Variants in GRAMD1B observed in about 807,000 individuals in gnomAD.
GRAMD1B encodes the protein protein Aster-B.
A neutral mutation model predicts 99.7 loss-of-function variants in GRAMD1B; 37 were observed. That is an observed-to-expected ratio of 0.37 (90% CI 0.29 to 0.49). The LOEUF (loss-of-function observed/expected upper bound fraction) is 0.49, where lower values mean the gene tolerates loss of function less well. Among genes scored for constraint, GRAMD1B ranks in the 20% least tolerant of loss-of-function variants. The pLI, the probability that GRAMD1B is intolerant of heterozygous loss-of-function variation, is 0.98. For synonymous variants in GRAMD1B, 427 were observed against 387.6 expected (o/e 1.10, Z -1.19); for missense variants, 888 against 1,009.2 (o/e 0.88, Z 1.63).
intron 1 of GRAMD1B, among the ~76,000 whole-genome samples, chr11:123,415,640 A>C (rs551479848): frequency 2.0e-4 from 30 of 151,572 alleles, no homozygotes; most frequent in African/African-American, 6.3e-4. Context: ...AGGGTAAATA[A>C]ATGTCGTTAG....
rs373600965 is a variant in GRAMD1B, at chr11:123,410,005, G to A, written c.-176+51206G>A. ...TTATGGAGTCACAAGATCAGATTTT[G>A]GAAATGTGTTCTCCATCTCTGCCTT... On this transcript the variant is annotated intron_variant, in intron 1 of 20. Transcript: ENST00000638157. 2.1e-4 allele frequency among the ~76,000 whole-genome samples: 32 copies of A among 152,220 alleles called. No individual in the cohort carries two copies. In the South Asian group the frequency reaches 6.4e-3, roughly 31 times the overall value.
intron 1 of GRAMD1B, among the ~76,000 whole-genome samples, chr11:123,395,191 T>C (rs1297580847): frequency 1.3e-5 from 2 of 152,174 alleles, no homozygotes; most frequent in African/African-American, 2.4e-5. Flanking sequence ...TCTAGTTTAA[T>C]GAAATAAAAC....
intron 1 of GRAMD1B, among the ~76,000 whole-genome samples, chr11:123,425,254 G>A (rs1243675793): frequency 6.6e-6 from 1 of 152,170 alleles, no homozygotes; most frequent in Non-Finnish European, 1.5e-5. Flanking sequence ...AGTATAAGCT[G>A]ATGATATTTT....
chr11:123,401,399 T>C (rs1266723002), intron 1 of GRAMD1B, among the ~76,000 whole-genome samples: 1 of 152,224 alleles, frequency 6.6e-6, no homozygotes, highest in Non-Finnish European at 1.5e-5. Flanking sequence ...CCACAGTCAC[T>C]CAGTAGGCAG....
chr11:123,367,635 C>G (rs1411352483), intron 1 of GRAMD1B, among the ~76,000 whole-genome samples: 1 of 151,992 alleles, frequency 6.6e-6, no homozygotes, highest in Non-Finnish European at 1.5e-5. Flanking sequence ...GAGTTGGAGC[C>G]TGCTTGTGAA....
At chr11:123,571,615 A>AC (rs1395341918) in intron 2 of GRAMD1B, among the ~76,000 whole-genome samples, 1 of 151,732 alleles carries the variant, frequency 6.6e-6, no homozygotes, top group East Asian at 1.9e-4. Flanking sequence ...TGAATGAATG[A>AC]CCTCCGGGTC....
chr11:123,616,808 A>G (rs1354163992), intron 17 of GRAMD1B, among the ~76,000 whole-genome samples: 1 of 152,238 alleles, frequency 6.6e-6, no homozygotes, highest in African/African-American at 2.4e-5. Flanking sequence ...CTTAGCACAG[A>G]GAGGATTGCA....
At chr11:123,614,350 C>T (rs1230100075) in intron 16 of GRAMD1B, among the ~76,000 whole-genome samples, 3 of 152,190 alleles carry the variant, frequency 2.0e-5, no homozygotes, top group Non-Finnish European at 2.9e-5. Flanking sequence ...TTTGAGTAAA[C>T]TGACTCTCAG....
At chr11:123,612,681 T>G (rs1307387388) in intron 14 of GRAMD1B, 80 bp from the exon 15 acceptor site, 2 of 789,310 alleles carry the variant, frequency 2.5e-6, no homozygotes, top group Non-Finnish European at 4.4e-6. Flanking sequence ...GGATCTGGCC[T>G]TAACTCCGAA....
chr11:123,462,902 A>T (rs200907793), intron 1 of GRAMD1B, among the ~76,000 whole-genome samples: 24,712 of 147,620 alleles, frequency 0.17, 2,624 homozygotes, highest in East Asian at 0.4. Context: ...AAAAAAAAAA[A>T]AAAAAAAAAA....
chr11:123,399,103 G>A (rs1302465751), intron 1 of GRAMD1B, among the ~76,000 whole-genome samples: 1 of 152,090 alleles, frequency 6.6e-6, no homozygotes, highest in African/African-American at 2.4e-5. Context: ...CTCTCTCCCA[G>A]TCTCTGGCAA....
chr11:123,409,617 G>A (rs1245505848), intron 1 of GRAMD1B, among the ~76,000 whole-genome samples: 22 of 152,250 alleles, frequency 1.4e-4, no homozygotes, highest in Admixed American at 1.0e-3. Context: ...AGTCCCCTGG[G>A]TGCTCGTTAC....
At chr11:123,566,440 TG>T (rs1947374012) in intron 2 of GRAMD1B, among the ~76,000 whole-genome samples, 1 of 152,044 alleles carries the variant, frequency 6.6e-6, no homozygotes, top group Admixed American at 6.5e-5. Flanking sequence ...TCTATCAGAG[TG>T]GCTGGACGAT....
intron 1 of GRAMD1B, among the ~76,000 whole-genome samples, chr11:123,472,187 C>T (rs1194276633): frequency 6.6e-6 from 1 of 150,526 alleles, no homozygotes; most frequent in Non-Finnish European, 1.5e-5. Flanking sequence ...AAGATCATGC[C>T]ACTGCACTCC....
At chr11:123,586,849 C>T (rs1645769449) in intron 4 of GRAMD1B, among the ~76,000 whole-genome samples, 1 of 152,258 alleles carries the variant, frequency 6.6e-6, no homozygotes, top group African/African-American at 2.4e-5. Context: ...TAACCTCTCT[C>T]CGGATCCCAG....
At chr11:123,598,670 G>T (rs527471252) in intron 7 of GRAMD1B, 1 of 1,168,516 alleles carries the variant, frequency 8.6e-7, no homozygotes, top group Non-Finnish European at 1.3e-6. Flanking sequence ...ATTTCAATCT[G>T]TCCAAACCCA....
chr11:123,517,227 C>T (rs1161759139), intron 2 of GRAMD1B, among the ~76,000 whole-genome samples: 2 of 152,146 alleles, frequency 1.3e-5, no homozygotes, highest in Admixed American at 6.5e-5. Context: ...GCCATATGTA[C>T]AGTTCTTGTT....
chr11:123,382,298 C>T (rs1413966906), intron 1 of GRAMD1B, among the ~76,000 whole-genome samples: 4 of 152,174 alleles, frequency 2.6e-5, no homozygotes, highest in African/African-American at 7.2e-5. Context: ...GAGCTTTGAA[C>T]CTGAGCCTAA....
intron 2 of GRAMD1B, among the ~76,000 whole-genome samples, chr11:123,552,269 CTTTCTT>C (rs975447836): frequency 8.6e-5 from 9 of 105,064 alleles, no homozygotes; most frequent in Admixed American, 4.6e-4. Flanking sequence ...TCTTCTCTTT[CTTTCTT>C]TTTTTTTTTT....
Sources: gnomAD v4.1 joint callset for allele counts (sites outside exome capture counted in the v4.1 genomes callset) on GRCh38, gnomAD v4.1.1 for gene constraint, MANE v1.5 for transcripts, NCBI Gene and HGNC (gene_info 2026-07-23, HGNC 2026-07-21) for gene names.